Variants in NBAS observed in about 807,000 individuals in gnomAD.
NBAS encodes NAG/BC035112 fusion.
In NBAS, 219 loss-of-function variants were observed where a neutral mutation model predicts 302.5. The observed-to-expected ratio is 0.72, with a 90% CI of 0.65 to 0.81. The LOEUF (loss-of-function observed/expected upper bound fraction) is 0.81. Among genes scored for constraint, NBAS ranks in the 30% least tolerant of loss-of-function variants. The pLI is 0.00. For synonymous variants in NBAS, 1,118 were observed against 1,021.6 expected (o/e 1.09, Z -1.80); for missense variants, 2,932 against 2,841.6 (o/e 1.03, Z -0.72).
At chr2:14,896,929 C>T in the NBAS span, among the ~76,000 whole-genome samples, 1 of 152,114 alleles carries the variant, frequency 6.6e-6, no homozygotes, top group Non-Finnish European at 1.5e-5. Context: ...AAAAGAAGAG[C>T]CTCTAGTTCA....
At chr2:15,285,856 T>A (rs982421818) in intron 42 of NBAS, among the ~76,000 whole-genome samples, 2 of 152,322 alleles carry the variant, frequency 1.3e-5, no homozygotes, top group Non-Finnish European at 2.9e-5. Flanking sequence ...GGTTTCTCCA[T>A]GTTGGCCAGG....
chr2:14,786,662 T>G, the NBAS span, among the ~76,000 whole-genome samples: 1 of 152,204 alleles, frequency 6.6e-6, no homozygotes, highest in African/African-American at 2.4e-5. Context: ...TGAGTTCTAG[T>G]TTGATTGTAC....
At chr2:15,384,619 T>C (rs1261720413) in intron 28 of NBAS, among the ~76,000 whole-genome samples, 1 of 151,726 alleles carries the variant, frequency 6.6e-6, no homozygotes, top group Non-Finnish European at 1.5e-5. Flanking sequence ...TTAAGTCACG[T>C]ATATGATTCT....
intron 48 of NBAS, among the ~76,000 whole-genome samples, chr2:15,192,240 T>A (rs1665394278): frequency 6.6e-6 from 1 of 152,084 alleles, no homozygotes. Flanking sequence ...GGCTATTTTT[T>A]TTTTTTTTTT....
chr2:15,461,541 T>C lies in NBAS; in HGVS notation c.2202+146A>G, dbSNP rs11888826. ...TATTTTTAAAACTCAGAATGATGGA[T>C]ATTAAATTAAAATTTTCTCTACACT... On this transcript the variant is annotated intron_variant, in intron 20 of 51. Coordinates refer to ENST00000281513, the MANE Select transcript of NBAS (RefSeq NM_015909.4). 3.8e-3 allele frequency: 2,836 copies of C among 743,616 alleles called. 56 individuals are homozygous for C. In the African/African-American group the frequency reaches 0.044, roughly 12 times the overall value. 46.1% of individuals were successfully genotyped at this position (743,616 alleles called of 1,614,324 possible). A position where few individuals can be genotyped will look rare whatever the true frequency, so the allele number is the denominator to read the frequency against.
intron 6 of NBAS, among the ~76,000 whole-genome samples, chr2:15,540,198 A>C (rs1213416653): frequency 6.6e-6 from 1 of 152,114 alleles, no homozygotes; most frequent in African/African-American, 2.4e-5. Flanking sequence ...AAGAATTCAA[A>C]ATGAGTAGGA....
At chr2:15,437,970 C>T (rs1020846997) in intron 21 of NBAS, among the ~76,000 whole-genome samples, 2 of 152,096 alleles carry the variant, frequency 1.3e-5, no homozygotes, top group Non-Finnish European at 2.9e-5. Flanking sequence ...CCATAAATGC[C>T]CTTGAGAGAT....
the NBAS span, among the ~76,000 whole-genome samples, chr2:14,821,858 A>T: frequency 6.0e-5 from 9 of 150,674 alleles, no homozygotes; most frequent in Non-Finnish European, 1.3e-4. Flanking sequence ...TAAAAATACA[A>T]AACAAAAAAA....
chr2:15,420,746 A>C (rs1416768715), intron 23 of NBAS, among the ~76,000 whole-genome samples: 1 of 152,206 alleles, frequency 6.6e-6, no homozygotes, highest in Non-Finnish European at 1.5e-5. Context: ...TGGAGTTCTC[A>C]AATTTTCAAA....
At chr2:15,554,761 T>C (rs1239227090) in intron 3 of NBAS, among the ~76,000 whole-genome samples, 3 of 151,478 alleles carry the variant, frequency 2.0e-5, no homozygotes, top group African/African-American at 7.3e-5. Flanking sequence ...GACTAAAGAC[T>C]CTCTTCTCTC....
intron 21 of NBAS, among the ~76,000 whole-genome samples, chr2:15,439,321 A>C (rs966836715): frequency 6.6e-6 from 1 of 151,772 alleles, no homozygotes; most frequent in Non-Finnish European, 1.5e-5. Context: ...AAAAAAAAAA[A>C]AAAAGAATAT....
chr2:15,536,152 G>A (rs1247157274), intron 8 of NBAS, among the ~76,000 whole-genome samples: 3 of 152,160 alleles, frequency 2.0e-5, no homozygotes, highest in African/African-American at 7.2e-5. Flanking sequence ...GTACTGATAT[G>A]TCCAACTTAC....
the NBAS span, among the ~76,000 whole-genome samples, chr2:15,155,756 G>A: frequency 6.6e-6 from 1 of 152,206 alleles, no homozygotes; most frequent in Admixed American, 6.5e-5. Context: ...TCCTGCAGAA[G>A]TAATTGCCAT....
intron 49 of NBAS, among the ~76,000 whole-genome samples, chr2:15,187,398 T>C (rs1485849535): frequency 6.6e-6 from 1 of 152,126 alleles, no homozygotes; most frequent in Non-Finnish European, 1.5e-5. Flanking sequence ...ATTATTATCA[T>C]TGTTATTGTT....
At chr2:15,417,435 G>A (rs1676998182) in intron 24 of NBAS, 92 bp downstream of exon 24, 2 of 1,114,418 alleles carry the variant, frequency 1.8e-6, no homozygotes, top group South Asian at 1.4e-5. Flanking sequence ...CAGGTCTGTA[G>A]AACATTTCAT....
intron 48 of NBAS, among the ~76,000 whole-genome samples, chr2:15,212,292 G>A (rs753240827): frequency 6.6e-6 from 1 of 152,130 alleles, no homozygotes. Flanking sequence ...CCTAAACATA[G>A]ATCTGTTCAT....
chr2:15,038,168 A>C, the NBAS span, among the ~76,000 whole-genome samples: 1 of 137,938 alleles, frequency 7.2e-6, no homozygotes, highest in Non-Finnish European at 1.5e-5. Flanking sequence ...GCTGGAGTGC[A>C]GTGGTGCGAT....
Position 15,338,834 on chromosome 2 carries a change from A to AC in NBAS, c.4180-8070dup, listed in dbSNP as rs1436558305. On this transcript the variant is annotated intron_variant, in intron 35 of 51. Coordinates refer to ENST00000281513, the MANE Select transcript of NBAS (RefSeq NM_015909.4). Reference sequence around the variant, plus strand: ...AGACCAGCCTGGGTAAAATATTGAGACCCCGTATCTAAAATAAATAAAATA... The same window carrying AC: ...AGACCAGCCTGGGTAAAATATTGAGACCCCCGTATCTAAAATAAATAAAATA... Among the ~76,000 whole-genome samples, 10 of 152,028 alleles carry AC rather than the reference A, an allele frequency of 6.6e-5. No homozygotes were observed. In the East Asian group the frequency reaches 1.4e-3, roughly 21 times the overall value.
intron 48 of NBAS, among the ~76,000 whole-genome samples, chr2:15,203,638 T>C (rs189653650): frequency 6.6e-6 from 1 of 152,148 alleles, no homozygotes; most frequent in East Asian, 1.9e-4. Flanking sequence ...TTCAGCACAA[T>C]TATAGACCAA....
Sources: allele counts gnomAD v4.1 joint callset (sites outside exome capture counted in the v4.1 genomes callset), GRCh38; gene constraint gnomAD v4.1.1; transcripts MANE v1.5; gene names NCBI Gene and HGNC (gene_info 2026-07-23, HGNC 2026-07-21).